The following PTPRN2 variants were observed in gnomAD, a reference collection of about 807,000 sequenced individuals.
The protein encoded by PTPRN2 is protein tyrosine phosphatase receptor type N2, also known as receptor-type tyrosine-protein phosphatase N2.
Under a neutral mutation model 118.8 loss-of-function variants are expected in PTPRN2, and 74 were observed. That is an observed-to-expected ratio of 0.62 (90% CI 0.52 to 0.76). PTPRN2 has a LOEUF of 0.76. Among genes scored for constraint, PTPRN2 ranks in the 30% least tolerant of loss-of-function variants. The probability of loss-of-function intolerance (pLI) is 0.00; values close to 1 mark genes in which losing one functional copy is unlikely to be tolerated. For synonymous variants in PTPRN2, 641 were observed against 608.0 expected, an observed-to-expected ratio of 1.05 and a Z score of -0.80; for missense variants, 1,481 against 1,394.4, an observed-to-expected ratio of 1.06 and a Z score of -0.99.
At chr7:157,971,300 G>A (rs149789777) in intron 11 of PTPRN2, among the ~76,000 whole-genome samples, 29 of 152,094 alleles carry the variant, frequency 1.9e-4, no homozygotes, top group Admixed American at 2.6e-4. Flanking sequence ...TCACGAATCC[G>A]TATTTGAAGA....
intron 12 of PTPRN2, among the ~76,000 whole-genome samples, chr7:157,704,614 C>T (rs1445687748): frequency 6.6e-6 from 1 of 152,162 alleles, no homozygotes; most frequent in Non-Finnish European, 1.5e-5. Context: ...CGCTTCTGGG[C>T]ACACGTGGAG....
rs145433953 is a variant in PTPRN2, at chr7:158,329,636, G to A, written c.164-12704C>T. Reference sequence around the variant, plus strand: ...CTTCAGAACTGAGAAATCAATGTCTGCTGTTTCTAAGCCCCGCAATAGGTG... The same window carrying A: ...CTTCAGAACTGAGAAATCAATGTCTACTGTTTCTAAGCCCCGCAATAGGTG... On this transcript the variant is annotated intron_variant, in intron 2 of 22. Coordinates refer to ENST00000389418, the MANE Select transcript of PTPRN2 (RefSeq NM_002847.5). Among the ~76,000 whole-genome samples, 533 of 152,302 alleles carry A rather than the reference G, an allele frequency of 3.5e-3. 5 individuals are homozygous for A. Among genetic ancestry groups the A allele is most frequent in the South Asian group, 0.015 (72 of 4,832 alleles).
chr7:157,579,351 C>T (rs914268253), intron 17 of PTPRN2, among the ~76,000 whole-genome samples: 3 of 152,122 alleles, frequency 2.0e-5, no homozygotes, highest in Non-Finnish European at 2.9e-5. Context: ...AGTGCCCATC[C>T]GACAACAAGA....
At chr7:157,726,676 G>A (rs928055321) in intron 12 of PTPRN2, among the ~76,000 whole-genome samples, 1 of 152,200 alleles carries the variant, frequency 6.6e-6, no homozygotes, top group African/African-American at 2.4e-5. Context: ...CACTCAAAAC[G>A]TTTGTGCGTC....
At position 158,524,396 on chromosome 7, in the gene PTPRN2, AGTC is replaced by A. The variant is rs1306604713; in HGVS notation, c.113-34614_113-34612del. ...TGGAGTGGAGTCTGCCCTGGAGTGG[AGTC>A]GTCTGCCCTGGAGCGGAGTCTGCCC... On this transcript the variant is annotated intron_variant, in intron 1 of 22. Transcript: ENST00000389418. Among the ~76,000 whole-genome samples the A allele has an allele frequency of 7.8e-4, 104 of 132,644 alleles. 11 individuals are homozygous for A. Among genetic ancestry groups the A allele is most frequent in the African/African-American group, 3.0e-3 (95 of 31,832 alleles). 87.0% of individuals were successfully genotyped at this position (132,644 alleles called of 152,430 possible).
rs141760234 is a variant in PTPRN2 at position 157,752,967 on chromosome 7, T to C, written c.1789-70030A>G. Among the ~76,000 whole-genome samples, 828 of 152,296 alleles carry C rather than the reference T, an allele frequency of 5.4e-3. 8 individuals are homozygous for C. Among genetic ancestry groups the C allele is most frequent in the African/African-American group, 0.019 (784 of 41,578 alleles). ...GAAGCCCAGACAGTCAGTGACCAGA[T>C]GGTTTTGCCATGGCCGGCAGTGCTG... is the stretch of plus-strand genomic sequence containing the variant. On this transcript the variant is annotated intron_variant, in intron 12 of 22. Transcript: ENST00000389418.
At chr7:158,171,224 T>TACACATATAC (rs1563555083) in intron 5 of PTPRN2, among the ~76,000 whole-genome samples, 7 of 132,834 alleles carry the variant, frequency 5.3e-5, no homozygotes, top group African/African-American at 2.3e-4. Context: ...CACACATATA[T>TACACATATAC]ACACACATAT....
chr7:157,601,492 A>G (rs1484934374), intron 16 of PTPRN2, among the ~76,000 whole-genome samples: 2 of 152,386 alleles, frequency 1.3e-5, no homozygotes, highest in East Asian at 3.9e-4. Context: ...AAGACACAAA[A>G]TGTACCATAA....
chr7:158,489,722 A>G lies in PTPRN2; in HGVS notation c.163+13T>C, dbSNP rs1271121096. 3 of 1,574,036 alleles carry G rather than the reference A, an allele frequency of 1.9e-6. No homozygotes were observed. The Admixed American group carries it at 5.4e-5, about 28-fold the overall frequency. On this transcript the variant is annotated intron_variant, in intron 2 of 22. Transcript: ENST00000389418. ...GGCAGACCAGGGCGCAGCAGCCAGG[A>G]CCCCACACTCACCGTTCACACAGGC...
intron 12 of PTPRN2, among the ~76,000 whole-genome samples, chr7:157,774,249 G>C (rs1026752985): frequency 2.0e-5 from 3 of 152,196 alleles, no homozygotes; most frequent in Non-Finnish European, 4.4e-5. Flanking sequence ...AATGTTCCAG[G>C]AGTCCTCACA....
chr7:157,725,164 ACC>A (rs1799461817), intron 12 of PTPRN2, among the ~76,000 whole-genome samples: 10 of 151,450 alleles, frequency 6.6e-5, no homozygotes, highest in African/African-American at 9.7e-5. Context: ...AGTGAGCCAG[ACC>A]CTCGCCTCCC....
At chr7:157,670,967 G>A (rs1324705646) in intron 13 of PTPRN2, among the ~76,000 whole-genome samples, 1 of 152,104 alleles carries the variant, frequency 6.6e-6, no homozygotes, top group East Asian at 1.9e-4. Context: ...TCAGAATAAG[G>A]GCTGATTTTC....
intron 11 of PTPRN2, among the ~76,000 whole-genome samples, chr7:158,067,395 T>A (rs1206958841): frequency 6.6e-6 from 1 of 152,176 alleles, no homozygotes; most frequent in Non-Finnish European, 1.5e-5. Flanking sequence ...GCTCTTGGAC[T>A]GCAGCTGTGA....
intron 2 of PTPRN2, 55 bp downstream of exon 2, chr7:158,489,680 A>T: frequency 6.6e-7 from 1 of 1,518,560 alleles, no homozygotes; most frequent in Non-Finnish European, 8.9e-7. Context: ...GGCGCTGCGC[A>T]CGGCGGGCAG....
intron 10 of PTPRN2, among the ~76,000 whole-genome samples, chr7:158,085,379 C>CGG (rs769907721): frequency 2.2e-5 from 2 of 92,758 alleles, no homozygotes; most frequent in African/African-American, 4.1e-5. Flanking sequence ...CCCATCCACA[C>CGG]ATGCCCATCC....
At chr7:157,544,179 G>A (rs947298534) in intron 22 of PTPRN2, among the ~76,000 whole-genome samples, 1 of 149,118 alleles carries the variant, frequency 6.7e-6, no homozygotes, top group Non-Finnish European at 1.5e-5. Context: ...ACGGAGAGAG[G>A]TGGAGAGAGA....
intron 1 of PTPRN2, among the ~76,000 whole-genome samples, chr7:158,575,435 G>A (rs577047872): frequency 9.9e-5 from 15 of 152,180 alleles, no homozygotes; most frequent in Non-Finnish European, 1.8e-4. Flanking sequence ...TTTTATCACT[G>A]CTCACTGTAG....
At chr7:158,352,647 G>A (rs1201403942) in intron 2 of PTPRN2, among the ~76,000 whole-genome samples, 2 of 152,182 alleles carry the variant, frequency 1.3e-5, no homozygotes, top group African/African-American at 2.4e-5. Flanking sequence ...TCAGAGAGGC[G>A]TAATTGGGGT....
At chr7:158,070,788 G>C (rs1374074664) in intron 11 of PTPRN2, among the ~76,000 whole-genome samples, 1 of 116,794 alleles carries the variant, frequency 8.6e-6, no homozygotes, top group Non-Finnish European at 1.7e-5. Context: ...AGGTGCCCGT[G>C]GTGGTGGAGG....
Sources: allele counts gnomAD v4.1 joint callset (sites outside exome capture counted in the v4.1 genomes callset), GRCh38; gene constraint gnomAD v4.1.1; transcripts MANE v1.5; gene names NCBI Gene and HGNC (gene_info 2026-07-23, HGNC 2026-07-21).